The following LRRC28 variants were observed in gnomAD, a reference collection of about 807,000 sequenced individuals.
LRRC28 encodes leucine-rich repeat-containing protein 28.
Under a neutral mutation model 45.7 loss-of-function variants are expected in LRRC28, and 39 were observed. The ratio of observed to expected loss-of-function variants is 0.85; its 90% CI spans 0.66 to 1.12. The LOEUF (loss-of-function observed/expected upper bound fraction) is 1.12, where lower values mean the gene tolerates loss of function less well. Among genes scored for constraint, LRRC28 ranks in the 50% most tolerant of loss-of-function variants. LRRC28 has a pLI of 0.00. For missense variants in LRRC28, 435 were observed against 438.5 expected, an observed-to-expected ratio of 0.99 and a Z score of 0.07; for synonymous variants, 206 against 178.8, an observed-to-expected ratio of 1.15 and a Z score of -1.22.
Position 99,256,136 on chromosome 15 carries a change from A to G in LRRC28, c.168+11A>G, listed in dbSNP as rs1416899804. 2 of 1,585,420 alleles carry G rather than the reference A, an allele frequency of 1.3e-6. No homozygotes were observed. Among genetic ancestry groups the G allele is most frequent in the Admixed American group, 1.9e-5 (1 of 53,252 alleles). On this transcript the variant is annotated intron_variant, in intron 2 of 9. Coordinates refer to ENST00000301981, the MANE Select transcript of LRRC28 (RefSeq NM_144598.5). ...TCCCTGACATCCTTGGTACAGTATT[A>G]TATTACACTACTGAAAAATTATTTA... is the stretch of plus-strand genomic sequence containing the variant.
At chr15:99,357,738 C>T (rs768733683) in intron 7 of LRRC28, among the ~76,000 whole-genome samples, 5 of 151,714 alleles carry the variant, frequency 3.3e-5, no homozygotes, top group Admixed American at 6.6e-5. Context: ...CTTAAAATAT[C>T]GATAATTTAT....
chr15:99,264,879 C>T (rs754517916), intron 2 of LRRC28, among the ~76,000 whole-genome samples: 1 of 152,070 alleles, frequency 6.6e-6, no homozygotes, highest in Non-Finnish European at 1.5e-5. Flanking sequence ...GAATGGGCTC[C>T]AGAGTACACA....
chr15:99,339,618 C>G (rs1956438328), intron 6 of LRRC28, among the ~76,000 whole-genome samples: 1 of 151,998 alleles, frequency 6.6e-6, no homozygotes, highest in African/African-American at 2.4e-5. Flanking sequence ...GCAATCCCAG[C>G]TACTGGTGAG....
intron 2 of LRRC28, among the ~76,000 whole-genome samples, chr15:99,263,906 G>A (rs1234074242): frequency 6.6e-6 from 1 of 151,914 alleles, no homozygotes; most frequent in African/African-American, 2.4e-5. Flanking sequence ...CAAGTTTAAG[G>A]AAAAAAAATG....
At position 99,287,857 on chromosome 15, in the gene LRRC28, C is replaced by G. The variant is rs1343787178; in HGVS notation, c.291C>G (p.Asp97Glu). Residue 97 changes from aspartate to glutamate, a missense_variant, in exon 5 of 10, where the codon GAC (aspartate) becomes GAG (glutamate). By Grantham distance (45) the Asp-to-Glu change is conservative. Coordinates refer to ENST00000301981, the MANE Select transcript of LRRC28 (RefSeq NM_144598.5). ...LVKLQCLDLS[D>E]NALEIVCPEI... ...AACTCCAATGTCTGGATCTTAGTGACAATGCCTTAGAAATTGTTTGCCCAG... is the reference window on the plus strand; with the variant it reads ...AACTCCAATGTCTGGATCTTAGTGAGAATGCCTTAGAAATTGTTTGCCCAG... 6.2e-7 allele frequency: 1 copy of G among 1,613,682 alleles called. No individual in the cohort carries two copies. The highest frequency in any genetic ancestry group is 8.5e-7 in the Non-Finnish European group (1 of 1,179,772).
At chr15:99,311,219 C>A (rs1023597517) in intron 5 of LRRC28, among the ~76,000 whole-genome samples, 11 of 152,174 alleles carry the variant, frequency 7.2e-5, no homozygotes, top group African/African-American at 2.7e-4. Flanking sequence ...TGACTGCAAC[C>A]TGGCACGTGA....
intron 5 of LRRC28, among the ~76,000 whole-genome samples, chr15:99,329,329 A>G (rs769626645): frequency 6.6e-6 from 1 of 152,220 alleles, no homozygotes; most frequent in East Asian, 1.9e-4. Context: ...CCCTCCAAAT[A>G]TAAGTGGAGA....
chr15:99,365,193 GC>G (rs1467687140), intron 9 of LRRC28, among the ~76,000 whole-genome samples: 1 of 152,112 alleles, frequency 6.6e-6, no homozygotes, highest in Non-Finnish European at 1.5e-5. Flanking sequence ...GTCAGTACTT[GC>G]ATTTTCCATT....
intron 2 of LRRC28, among the ~76,000 whole-genome samples, chr15:99,273,785 C>T (rs1054715288): frequency 3.9e-5 from 6 of 152,082 alleles, no homozygotes; most frequent in African/African-American, 1.4e-4. Context: ...AAAGAATGAC[C>T]GTGGAGTGTG....
At chr15:99,288,897 C>G (rs1196029219) in intron 5 of LRRC28, among the ~76,000 whole-genome samples, 1 of 151,734 alleles carries the variant, frequency 6.6e-6, no homozygotes, top group Non-Finnish European at 1.5e-5. Flanking sequence ...CTAGGCTAGT[C>G]TCAAACTCCT....
chr15:99,294,989 A>G (rs2082226277), intron 5 of LRRC28, among the ~76,000 whole-genome samples: 1 of 152,242 alleles, frequency 6.6e-6, no homozygotes, highest in African/African-American at 2.4e-5. Context: ...ATTCAGGTCC[A>G]ACATGGGGCT....
At chr15:99,261,610 C>G (rs1250844849) in intron 2 of LRRC28, among the ~76,000 whole-genome samples, 1 of 151,986 alleles carries the variant, frequency 6.6e-6, no homozygotes, top group East Asian at 1.9e-4. Context: ...TAATTGCCTC[C>G]CAAAGGTCCC....
intron 2 of LRRC28, among the ~76,000 whole-genome samples, chr15:99,265,105 A>T (rs2081298232): frequency 6.6e-6 from 1 of 152,076 alleles, no homozygotes; most frequent in Non-Finnish European, 1.5e-5. Flanking sequence ...AGAGAAAGAT[A>T]GAATTGTTGG....
At chr15:99,319,180 TA>T (rs1378489112) in intron 5 of LRRC28, among the ~76,000 whole-genome samples, 3 of 152,280 alleles carry the variant, frequency 2.0e-5, no homozygotes, top group Middle Eastern at 3.4e-3. Flanking sequence ...ATAATAGTTT[TA>T]TACCAACAAT....
At position 99,340,474 on chromosome 15, in the gene LRRC28, T is replaced by C. The variant is rs371716514; in HGVS notation, c.592+6345T>C. Among the ~76,000 whole-genome samples, 8 of 152,256 alleles carry C rather than the reference T, an allele frequency of 5.3e-5. No homozygotes were observed. In the East Asian group the frequency reaches 5.8e-4, roughly 11 times the overall value. On this transcript the variant is annotated intron_variant, in intron 6 of 9. Transcript: ENST00000301981. Reference sequence around the variant, plus strand: ...TAAAAAAGTCCACACAGTAAAACTATTTAAACTTCAATCAACTATTGAAAC... The same window carrying C: ...TAAAAAAGTCCACACAGTAAAACTACTTAAACTTCAATCAACTATTGAAAC...
At chr15:99,378,216 C>T (rs528887749) in intron 9 of LRRC28, among the ~76,000 whole-genome samples, 152 of 152,274 alleles carry the variant, frequency 1.0e-3, no homozygotes, top group African/African-American at 3.5e-3. Context: ...TCTTTTATTT[C>T]GTTGAGCAGT....
intron 5 of LRRC28, among the ~76,000 whole-genome samples, chr15:99,298,157 T>C (rs2082313506): frequency 6.6e-6 from 1 of 152,188 alleles, no homozygotes; most frequent in Admixed American, 6.5e-5. Flanking sequence ...TGCGTTCCTT[T>C]GTGAAAAGAT....
At chr15:99,310,560 AT>A (rs903908248) in intron 5 of LRRC28, among the ~76,000 whole-genome samples, 18 of 152,348 alleles carry the variant, frequency 1.2e-4, no homozygotes, top group Admixed American at 1.1e-3. Flanking sequence ...CCCTCTCCTT[AT>A]AATGTAATCA....
chr15:99,267,426 T>C (rs1312255504), intron 2 of LRRC28, among the ~76,000 whole-genome samples: 2 of 152,198 alleles, frequency 1.3e-5, no homozygotes, highest in African/African-American at 4.8e-5. Context: ...TTGTTATTAG[T>C]TTGGTTCATT....
Sources: gnomAD v4.1 joint callset for allele counts (sites outside exome capture counted in the v4.1 genomes callset) on GRCh38, gnomAD v4.1.1 for gene constraint, MANE v1.5 for transcripts, NCBI Gene and HGNC (gene_info 2026-07-23, HGNC 2026-07-21) for gene names.